Variants in ZSCAN5A observed in about 807,000 individuals in gnomAD.
ZSCAN5A encodes the protein zinc finger and SCAN domain-containing protein 5A.
Under a neutral mutation model 23.7 loss-of-function variants are expected in ZSCAN5A, and 12 were observed. The observed-to-expected ratio is 0.51, with a 90% CI of 0.32 to 0.82. ZSCAN5A has a LOEUF of 0.82. Ranked by LOEUF, ZSCAN5A falls within the 40% of genes least tolerant of loss-of-function variation. ZSCAN5A has a pLI of 0.03. For missense variants in ZSCAN5A, 597 were observed against 617.9 expected, an observed-to-expected ratio of 0.97 and a Z score of 0.36; for synonymous variants, 257 against 239.9, an observed-to-expected ratio of 1.07 and a Z score of -0.66.
At chr19:56,242,879 A>G (rs1600068563) in intron 2 of ZSCAN5A, among the ~76,000 whole-genome samples, 1 of 152,108 alleles carries the variant, frequency 6.6e-6, no homozygotes, top group East Asian at 1.9e-4. Flanking sequence ...CCCTGATTCA[A>G]GTGATTCTCC....
intron 2 of ZSCAN5A, among the ~76,000 whole-genome samples, chr19:56,262,623 G>T (rs909076037): frequency 3.3e-5 from 5 of 151,268 alleles, no homozygotes; most frequent in Admixed American, 6.6e-5. Flanking sequence ...GTAGAGACGG[G>T]GTTTCACCAT....
chr19:56,269,757 G>C (rs780242188), intron 2 of ZSCAN5A, among the ~76,000 whole-genome samples: 1 of 152,246 alleles, frequency 6.6e-6, no homozygotes, highest in Non-Finnish European at 1.5e-5. Flanking sequence ...AGGCCGACCA[G>C]GAGTCAGGAA....
intron 1 of ZSCAN5A, chr19:56,368,185 C>G (rs1003549539): frequency 5.9e-5 from 9 of 152,388 alleles, no homozygotes; most frequent in South Asian, 2.1e-4. Flanking sequence ...CGAGGCCCTA[C>G]GGGGCGTCAA....
intron 2 of ZSCAN5A, among the ~76,000 whole-genome samples, chr19:56,309,734 G>A (rs931206889): frequency 6.6e-6 from 1 of 152,204 alleles, no homozygotes; most frequent in Admixed American, 6.5e-5. Context: ...TGCGGGGCGC[G>A]CCCTCTAGTG....
At chr19:56,358,425 A>G (rs12983411) in intron 2 of ZSCAN5A, among the ~76,000 whole-genome samples, 6,814 of 149,116 alleles carry the variant, frequency 0.046, 686 homozygotes, top group East Asian at 0.26. Context: ...CCAGCCCATA[A>G]AACAAATTTT....
intron 2 of ZSCAN5A, chr19:56,280,662 G>A (rs2038622700): frequency 6.6e-6 from 1 of 152,190 alleles, no homozygotes; most frequent in African/African-American, 2.4e-5. Flanking sequence ...CCAAGATTGA[G>A]GGGTTGGCAT....
chr19:56,273,560 G>A (rs1174547763), intron 2 of ZSCAN5A, among the ~76,000 whole-genome samples: 1 of 152,152 alleles, frequency 6.6e-6, no homozygotes, highest in Non-Finnish European at 1.5e-5. Flanking sequence ...CACATTTGAG[G>A]TAAGGAATAG....
chr19:56,288,291 C>A (rs769174057), intron 2 of ZSCAN5A, among the ~76,000 whole-genome samples: 8 of 152,188 alleles, frequency 5.3e-5, no homozygotes, highest in Non-Finnish European at 1.0e-4. Context: ...CCATCCAGCC[C>A]AGGAAGACGC....
chr19:56,363,449 A>G (rs12972012), intron 1 of ZSCAN5A: 74,471 of 151,996 alleles, frequency 0.49, 20,976 homozygotes, highest in East Asian at 0.8. Flanking sequence ...CTGAAAATGC[A>G]GAAGCAACTT....
intron 2 of ZSCAN5A, chr19:56,354,370 C>T (rs891473524): frequency 1.3e-5 from 2 of 151,930 alleles, no homozygotes; most frequent in African/African-American, 2.4e-5. Context: ...AAGATGGCCA[C>T]ATAAAGGTGA....
upstream of ZSCAN5A, among the ~76,000 whole-genome samples, chr19:56,319,331 A>G (rs10420679): frequency 0.017 from 2,585 of 151,958 alleles, 56 homozygotes; most frequent in African/African-American, 0.054. Flanking sequence ...CCCCATCTCT[A>G]CTAAAAATAC....
intron 2 of ZSCAN5A, among the ~76,000 whole-genome samples, chr19:56,245,062 A>C (rs1310153393): frequency 1.3e-5 from 2 of 152,192 alleles, no homozygotes; most frequent in Admixed American, 6.5e-5. Flanking sequence ...AGAAAAGGAA[A>C]AAATTCAGAC....
At chr19:56,332,913 T>C (rs2041502326) in intron 2 of ZSCAN5A, among the ~76,000 whole-genome samples, 1 of 152,252 alleles carries the variant, frequency 6.6e-6, no homozygotes. Flanking sequence ...TCTTTGCTTT[T>C]GAAGCCTAGT....
chr19:56,353,131 C>A (rs1047593260), intron 2 of ZSCAN5A, among the ~76,000 whole-genome samples: 3 of 152,170 alleles, frequency 2.0e-5, no homozygotes, highest in Non-Finnish European at 4.4e-5. Context: ...GAGGAGAAGG[C>A]ACATACATAT....
intron 2 of ZSCAN5A, among the ~76,000 whole-genome samples, chr19:56,265,370 A>G (rs2037402260): frequency 6.8e-6 from 1 of 148,014 alleles, no homozygotes; most frequent in African/African-American, 2.5e-5. Flanking sequence ...GTATGCACCT[A>G]TACTCTATGT....
At chr19:56,240,649 AG>A (rs11294969) in intron 2 of ZSCAN5A, among the ~76,000 whole-genome samples, 91,947 of 151,890 alleles carry the variant, frequency 0.61, 28,149 homozygotes, top group Middle Eastern at 0.7. Flanking sequence ...ACCTTGTGAA[AG>A]CATCGGGTCT....
At chr19:56,280,018 G>A (rs1454534648) in intron 2 of ZSCAN5A, among the ~76,000 whole-genome samples, 1 of 152,020 alleles carries the variant, frequency 6.6e-6, no homozygotes, top group African/African-American at 2.4e-5. Flanking sequence ...AGGTTATACT[G>A]GAAAAAACTC....
intron 2 of ZSCAN5A, chr19:56,286,767 A>G (rs2039154641): frequency 6.6e-6 from 1 of 152,242 alleles, no homozygotes; most frequent in Non-Finnish European, 1.5e-5. Context: ...GTACCCAAGG[A>G]GTTCAAGCTG....
chr19:56,246,527 G>T, intron 2 of ZSCAN5A: 1 of 662,782 alleles, frequency 1.5e-6, no homozygotes, highest in Non-Finnish European at 2.7e-6. Context: ...GTGGGGCTGG[G>T]GTCCCAGCAT....
Sources: gnomAD v4.1 joint callset for allele counts (sites outside exome capture counted in the v4.1 genomes callset) on GRCh38, gnomAD v4.1.1 for gene constraint, MANE v1.5 for transcripts, NCBI Gene and HGNC (gene_info 2026-07-23, HGNC 2026-07-21) for gene names.